PDK1: variants seen among roughly 807,000 people sequenced by gnomAD.
PDK1 encodes [Pyruvate dehydrogenase (acetyl-transferring)] kinase isozyme 1, mitochondrial.
In PDK1, 39 loss-of-function variants were observed where a neutral mutation model predicts 54.2. The observed-to-expected ratio is 0.72, with a 90% confidence interval of 0.56 to 0.94. PDK1 has a LOEUF of 0.94. Ranked by LOEUF, PDK1 falls within the 40% of genes least tolerant of loss-of-function variation. The pLI, the probability that PDK1 is intolerant of heterozygous loss-of-function variation, is 0.00. For synonymous variants in PDK1, 221 were observed against 207.1 expected (o/e 1.07, Z -0.58); for missense variants, 552 against 566.0 (o/e 0.98, Z 0.25).
At chr2:172,637,288 G>T in the PDK1 span, among the ~76,000 whole-genome samples, 1 of 152,174 alleles carries the variant, frequency 6.6e-6, no homozygotes. Context: ...TTCTGTTGAA[G>T]GACCCTTCAC....
intron 7 of PDK1, chr2:172,570,490 G>A: frequency 2.6e-6 from 1 of 378,134 alleles, no homozygotes; most frequent in Non-Finnish European, 4.7e-6. Context: ...GTGTTTTGAA[G>A]TCTGACTTTG....
At chr2:172,634,420 G>A in the PDK1 span, among the ~76,000 whole-genome samples, 6 of 151,598 alleles carry the variant, frequency 4.0e-5, no homozygotes, top group East Asian at 5.8e-4. Context: ...TTACAGGTGC[G>A]CACCATCATG....
At chr2:172,640,225 G>T in the PDK1 span, among the ~76,000 whole-genome samples, 1 of 152,216 alleles carries the variant, frequency 6.6e-6, no homozygotes, top group African/African-American at 2.4e-5. Context: ...ACTGGAGAAT[G>T]TAAACATTTT....
Position 172,562,253 on chromosome 2 carries a change from T to C in PDK1, c.372T>C (p.Phe124=), listed in dbSNP as rs780458816. The part of the protein sequence containing the change: ...YIQSLQELLD[F]KDKSAEDAKA... ...AGAGTCTTCAGGAGCTTCTTGATTT[T>C]AAGGACAAAAGTGCTGAGGATGCTA... Residue 124 remains phenylalanine, a synonymous_variant, in exon 3 of 11, where the codon TTT becomes TTC. Transcript: ENST00000282077. 8.1e-6 allele frequency: 13 copies of C among 1,603,184 alleles called. No homozygotes were observed. In the Admixed American group the frequency reaches 8.3e-5, roughly 10 times the overall value.
At chr2:172,614,118 A>G in the PDK1 span, among the ~76,000 whole-genome samples, 3 of 151,780 alleles carry the variant, frequency 2.0e-5, no homozygotes, top group Non-Finnish European at 4.4e-5. Flanking sequence ...CCGCCCTCCC[A>G]GGTGTAGAAC....
At chr2:172,640,433 C>T in the PDK1 span, among the ~76,000 whole-genome samples, 1 of 152,128 alleles carries the variant, frequency 6.6e-6, no homozygotes. Context: ...TGCTCATTGG[C>T]AGATGAGGTC....
the PDK1 span, among the ~76,000 whole-genome samples, chr2:172,659,482 T>G: frequency 6.6e-6 from 1 of 152,196 alleles, no homozygotes; most frequent in Admixed American, 6.5e-5. Context: ...ATGGATTAAA[T>G]AAATTTGTAT....
In PDK1 at chr2:172,556,301, C is replaced by T; in HGVS notation, c.151C>T (p.Arg51Cys). The change falls in exon 1 of 11, where the codon CGC becomes TGC. Residue 51 changes from arginine (R) to cysteine (C), a missense_variant. Transcript: ENST00000282077. ...GVPGQVDFYARFSPSPLSMKQ... is the reference protein window; with the variant it reads ...GVPGQVDFYACFSPSPLSMKQ... ...TCCGGGCCAGGTGGACTTCTACGCG[C>T]GCTTCTCGCCGTCCCCGCTCTCCAT... 6.6e-7 allele frequency: 1 copy of T among 1,505,740 alleles called. No homozygotes were observed. The allele number at this position is 1,505,740 out of a possible 1,614,324, so 93.3% of individuals were successfully genotyped here.
chr2:172,571,262 G>GATT (rs1689241401), intron 8 of PDK1, among the ~76,000 whole-genome samples: 1 of 152,192 alleles, frequency 6.6e-6, no homozygotes, highest in Non-Finnish European at 1.5e-5. Flanking sequence ...AAGACACAGT[G>GATT]ATTAGCTCAG....
the PDK1 span, among the ~76,000 whole-genome samples, chr2:172,716,498 T>C: frequency 6.6e-6 from 1 of 152,016 alleles, no homozygotes; most frequent in Non-Finnish European, 1.5e-5. Flanking sequence ...CTCATTTTTG[T>C]ATTTGTAGTA....
Position 172,556,204 on chromosome 2 carries a change from G to C in PDK1, c.54G>C (p.Gly18=). Residue 18 remains glycine, a synonymous_variant, in exon 1 of 11, where the codon GGG becomes GGC. Transcript: ENST00000282077. ...RGAALAGPGP[G]LRAAGFSRSF... is the part of the protein sequence containing the mutation. ...CCGCCTTGGCCGGCCCGGGCCCGGG[G>C]CTGCGCGCCGCCGGCTTCAGCCGCA... The C allele has an allele frequency of 7.1e-7, 1 of 1,417,434 alleles. No homozygotes were observed. The highest frequency in any genetic ancestry group is 1.5e-5 in the South Asian group (1 of 67,814). 87.8% of individuals were successfully genotyped at this position (1,417,434 alleles called of 1,614,324 possible).
rs1472662636 is a variant in PDK1, at chr2:172,603,121, A to G, written c.*7152A>G. ...CATTTCTAACAAGTTTCCTGGTGATATTAATGCTGCTGGTCTGTGAGCCAT... is the reference window on the plus strand; with the variant it reads ...CATTTCTAACAAGTTTCCTGGTGATGTTAATGCTGCTGGTCTGTGAGCCAT... On this transcript the variant is annotated 3_prime_UTR_variant, in exon 11 of 11. Transcript: ENST00000282077. The G allele has an allele frequency of 2.6e-5, 4 of 152,202 alleles. No homozygotes were observed. The highest frequency in any genetic ancestry group is 7.2e-5 in the African/African-American group (3 of 41,436). 9.4% of individuals were successfully genotyped at this position (152,202 alleles called of 1,614,324 possible).
chr2:172,669,971 T>C, the PDK1 span, among the ~76,000 whole-genome samples: 2 of 152,252 alleles, frequency 1.3e-5, no homozygotes, highest in South Asian at 2.1e-4. Context: ...CTCTATTGTT[T>C]CTTTTGTTGT....
intron 8 of PDK1, among the ~76,000 whole-genome samples, chr2:172,572,736 A>G (rs1352796377): frequency 6.6e-6 from 1 of 152,100 alleles, no homozygotes; most frequent in Non-Finnish European, 1.5e-5. Context: ...AAAAAAGAAA[A>G]AAAGGAAAAT....
chr2:172,576,046 G>C (rs947967150), intron 8 of PDK1, among the ~76,000 whole-genome samples: 1 of 151,960 alleles, frequency 6.6e-6, no homozygotes, highest in African/African-American at 2.4e-5. Context: ...TCCTGCCTCA[G>C]CCTCCCGAGT....
chr2:172,601,638 A>T lies in PDK1; in HGVS notation c.*5669A>T, dbSNP rs1344420720. 2.6e-5 allele frequency: 4 copies of T among 152,040 alleles called. No individual in the cohort carries two copies. The highest frequency in any genetic ancestry group is 5.9e-5 in the Non-Finnish European group (4 of 68,010). The allele number at this position is 152,040 out of a possible 1,614,324, so 9.4% of individuals were successfully genotyped here. ...CTGTGAGTCAATCCTTTTTATTATA[A>T]ATTACCCCGTCTCAGGCAGTTCTTT... is the stretch of plus-strand genomic sequence containing the variant. On this transcript the variant is annotated 3_prime_UTR_variant, in exon 11 of 11. Transcript: ENST00000282077.
At chr2:172,711,865 CAAAAAAAAA>C in the PDK1 span, among the ~76,000 whole-genome samples, 14 of 22,778 alleles carry the variant, frequency 6.1e-4, no homozygotes, top group Non-Finnish European at 5.3e-4. Flanking sequence ...GAACCTAGCT[CAAAAAAAAA>C]AAAAAAAAAA....
At chr2:172,587,989 C>T (rs895695368) in intron 9 of PDK1, among the ~76,000 whole-genome samples, 2 of 152,200 alleles carry the variant, frequency 1.3e-5, no homozygotes, top group Non-Finnish European at 2.9e-5. Context: ...CAGAAAAGTT[C>T]TCCAAGTCCC....
the PDK1 span, among the ~76,000 whole-genome samples, chr2:172,641,441 A>ATTT: frequency 1.7e-5 from 2 of 119,554 alleles, 1 homozygote; most frequent in Middle Eastern, 8.2e-3. Flanking sequence ...TAACTTGTCC[A>ATTT]TTTTTTTTTT....
Sources: allele counts gnomAD v4.1 joint callset (sites outside exome capture counted in the v4.1 genomes callset), GRCh38; gene constraint gnomAD v4.1.1; transcripts MANE v1.5; gene names NCBI Gene and HGNC (gene_info 2026-07-23, HGNC 2026-07-21).